The following ZBTB20 variants were observed in gnomAD, a reference collection of about 807,000 sequenced individuals.
ZBTB20 encodes zinc finger and BTB domain-containing protein 20.
Under a neutral mutation model 56.9 loss-of-function variants are expected in ZBTB20, and 9 were observed. That is an observed-to-expected ratio of 0.16 (90% CI 0.10 to 0.28). ZBTB20 has a LOEUF of 0.28. Ranked by LOEUF, ZBTB20 falls within the 10% of genes least tolerant of loss-of-function variation. The probability of loss-of-function intolerance (pLI) is 1.00; values close to 1 mark genes in which losing one functional copy is unlikely to be tolerated. For missense variants in ZBTB20, 655 were observed against 1,003.0 expected (o/e 0.65, Z 4.69); for synonymous variants, 417 against 420.7 (o/e 0.99, Z 0.11).
intron 7 of ZBTB20, among the ~76,000 whole-genome samples, chr3:114,424,028 C>T (rs1221335221): frequency 2.0e-5 from 3 of 152,184 alleles, no homozygotes; most frequent in Non-Finnish European, 4.4e-5. Context: ...GTAAATCTAA[C>T]ACCTATAAAA....
chr3:114,609,027 A>G (rs1250191806), intron 6 of ZBTB20, among the ~76,000 whole-genome samples: 2 of 152,228 alleles, frequency 1.3e-5, no homozygotes, highest in African/African-American at 4.8e-5. Context: ...ACAGGCAGAA[A>G]TAAGACCTTT....
At chr3:115,058,182 G>A (rs990319355) in intron 2 of ZBTB20, among the ~76,000 whole-genome samples, 14 of 152,014 alleles carry the variant, frequency 9.2e-5, no homozygotes, top group Non-Finnish European at 1.6e-4. Flanking sequence ...TTTGGGTGGG[G>A]ACATAGCCAA....
intron 5 of ZBTB20, among the ~76,000 whole-genome samples, chr3:114,714,669 TA>T (rs1390525482): frequency 6.6e-6 from 1 of 152,194 alleles, no homozygotes; most frequent in Non-Finnish European, 1.5e-5. Flanking sequence ...AGAATGACAT[TA>T]TACAAGGTGC....
chr3:114,662,365 A>AC, intron 6 of ZBTB20, among the ~76,000 whole-genome samples: 2 of 146,892 alleles, frequency 1.4e-5, no homozygotes, highest in East Asian at 4.0e-4. Flanking sequence ...CAATAAACAT[A>AC]CATGTGCATG....
chr3:114,723,520 G>T (rs2108503962), intron 5 of ZBTB20, among the ~76,000 whole-genome samples: 1 of 152,224 alleles, frequency 6.6e-6, no homozygotes, highest in East Asian at 1.9e-4. Context: ...GTATGAGTTG[G>T]ATCACTGATT....
chr3:114,418,820 CTA>C (rs1161986467), intron 7 of ZBTB20, among the ~76,000 whole-genome samples: 1 of 152,066 alleles, frequency 6.6e-6, no homozygotes, highest in African/African-American at 2.4e-5. Flanking sequence ...GCTATGGCTA[CTA>C]TGTTTCCACA....
At chr3:114,749,885 A>T (rs2067430499) in intron 5 of ZBTB20, among the ~76,000 whole-genome samples, 1 of 152,224 alleles carries the variant, frequency 6.6e-6, no homozygotes, top group Non-Finnish European at 1.5e-5. Context: ...CTTGGCACAG[A>T]GAGGTCACTC....
intron 10 of ZBTB20, among the ~76,000 whole-genome samples, chr3:114,378,294 T>C (rs1576469337): frequency 6.6e-6 from 1 of 152,240 alleles, no homozygotes; most frequent in South Asian, 2.1e-4. Flanking sequence ...GAGAAAAGTA[T>C]AATCAATTTA....
chr3:114,867,994 A>G (rs1484795370), intron 4 of ZBTB20, among the ~76,000 whole-genome samples: 1 of 152,146 alleles, frequency 6.6e-6, no homozygotes, highest in East Asian at 1.9e-4. Context: ...TGGGGCCAGT[A>G]TCGTAACTTC....
At chr3:115,004,029 A>C (rs954080071) in intron 2 of ZBTB20, among the ~76,000 whole-genome samples, 29 of 151,852 alleles carry the variant, frequency 1.9e-4, no homozygotes, top group African/African-American at 7.0e-4. Flanking sequence ...TTTAAAATTA[A>C]TGCTACTGTC....
At position 114,816,028 on chromosome 3, in the gene ZBTB20, G is replaced by A. The variant is rs558656943; in HGVS notation, c.-416-14854C>T. On this transcript the variant is annotated intron_variant, in intron 4 of 11. Transcript: ENST00000675478. Reference sequence around the variant, plus strand: ...AAGCCCCAATGCATCTCTCTCAAGAGTCTAATCTTATTCTATCTGAGGAGC... The same window carrying A: ...AAGCCCCAATGCATCTCTCTCAAGAATCTAATCTTATTCTATCTGAGGAGC... Among the ~76,000 whole-genome samples, 33 of 152,252 alleles carry A rather than the reference G, an allele frequency of 2.2e-4. 2 individuals carry two copies. The South Asian group carries it at 5.2e-3, about 24-fold the overall frequency.
At chr3:114,871,558 G>T (rs1354189028) in intron 4 of ZBTB20, among the ~76,000 whole-genome samples, 1 of 151,942 alleles carries the variant, frequency 6.6e-6, no homozygotes, top group Non-Finnish European at 1.5e-5. Context: ...CTCAACCTCT[G>T]GGATCCAAAG....
chr3:114,977,593 T>C (rs895194151), intron 2 of ZBTB20, among the ~76,000 whole-genome samples: 5 of 152,132 alleles, frequency 3.3e-5, no homozygotes, highest in Non-Finnish European at 7.4e-5. Flanking sequence ...TGATTACCTG[T>C]GGCAAAATAA....
chr3:114,402,639 A>G (rs767921905), intron 7 of ZBTB20, among the ~76,000 whole-genome samples: 7 of 152,186 alleles, frequency 4.6e-5, no homozygotes, highest in African/African-American at 1.7e-4. Flanking sequence ...GAGGTGGAAC[A>G]TGGCTGTTGG....
rs139271298 is a variant in ZBTB20 at position 114,685,421 on chromosome 3, C to A, written c.-295+8107G>T. On this transcript the variant is annotated intron_variant, in intron 6 of 11. Coordinates refer to ENST00000675478, the MANE Select transcript of ZBTB20 (RefSeq NM_001348800.3). ...AATTACAATCACAAAGAACTCAGGACAACAATCAGTGAGCAAAATGAAACT... is the reference window on the plus strand; with the variant it reads ...AATTACAATCACAAAGAACTCAGGAAAACAATCAGTGAGCAAAATGAAACT... Among the ~76,000 whole-genome samples the A allele has an allele frequency of 7.1e-3, 1,088 of 152,298 alleles. 8 individuals are homozygous for A. The highest frequency in any genetic ancestry group is 0.02 in the South Asian group (95 of 4,828).
At chr3:115,047,177 T>C (rs1304891813) in intron 2 of ZBTB20, among the ~76,000 whole-genome samples, 1 of 152,248 alleles carries the variant, frequency 6.6e-6, no homozygotes, top group East Asian at 1.9e-4. Context: ...GTTTTTGCTA[T>C]GAGGAGTACA....
At chr3:115,067,290 C>G (rs1024099738) in intron 2 of ZBTB20, among the ~76,000 whole-genome samples, 1 of 151,912 alleles carries the variant, frequency 6.6e-6, no homozygotes, top group Non-Finnish European at 1.5e-5. Context: ...ATCACACCCA[C>G]AAACCCGGGA....
chr3:114,787,368 T>TATATATACACATACACAC (rs1433434685), intron 5 of ZBTB20, among the ~76,000 whole-genome samples: 4 of 106,332 alleles, frequency 3.8e-5, no homozygotes, highest in South Asian at 2.7e-4. Context: ...TATATATATA[T>TATATATACACATACACAC]ACACACACAC....
chr3:114,494,666 C>T (rs749908297), intron 7 of ZBTB20, among the ~76,000 whole-genome samples: 6 of 152,124 alleles, frequency 3.9e-5, no homozygotes, highest in Non-Finnish European at 7.4e-5. Context: ...CTGAGACTAT[C>T]GGGAGGTGAT....
Sources: allele counts gnomAD v4.1 joint callset (sites outside exome capture counted in the v4.1 genomes callset), GRCh38; gene constraint gnomAD v4.1.1; transcripts MANE v1.5; gene names NCBI Gene and HGNC (gene_info 2026-07-23, HGNC 2026-07-21).